The following PIP5K1B variants were observed in gnomAD, a reference collection of about 807,000 sequenced individuals.
The protein encoded by PIP5K1B is phosphatidylinositol 4-phosphate 5-kinase type-1 beta.
A neutral mutation model predicts 67.0 loss-of-function variants in PIP5K1B; 42 were observed. That is an observed-to-expected ratio of 0.63 (90% confidence interval 0.49 to 0.81). The LOEUF is 0.81. Ranked by LOEUF, PIP5K1B falls within the 30% of genes least tolerant of loss-of-function variation. The probability of loss-of-function intolerance (pLI) is 0.00; values close to 1 mark genes in which losing one functional copy is unlikely to be tolerated. For missense variants in PIP5K1B, 459 were observed against 646.3 expected, an observed-to-expected ratio of 0.71 and a Z score of 3.14; for synonymous variants, 214 against 231.4, an observed-to-expected ratio of 0.92 and a Z score of 0.68.
At chr9:68,988,126 GT>G (rs1343347588) in intron 14 of PIP5K1B, among the ~76,000 whole-genome samples, 103 of 152,090 alleles carry the variant, frequency 6.8e-4, no homozygotes, top group Admixed American at 6.6e-3. Flanking sequence ...TTCCCAAACA[GT>G]TCAGGGAAAA....
intron 4 of PIP5K1B, among the ~76,000 whole-genome samples, chr9:68,845,272 G>T (rs890579172): frequency 1.3e-5 from 2 of 151,942 alleles, no homozygotes. Flanking sequence ...ATATGGTGGG[G>T]CTTATGAAAT....
intron 2 of PIP5K1B, among the ~76,000 whole-genome samples, chr9:68,751,108 G>A (rs750274381): frequency 2.6e-5 from 4 of 152,172 alleles, no homozygotes; most frequent in Admixed American, 6.5e-5. Context: ...AGTATGCCTG[G>A]TAGTTATTGT....
chr9:68,799,741 G>A (rs1203057308), intron 2 of PIP5K1B, among the ~76,000 whole-genome samples: 1 of 152,110 alleles, frequency 6.6e-6, no homozygotes, highest in African/African-American at 2.4e-5. Flanking sequence ...AACTCAAGAT[G>A]GATGAATGAC....
chr9:68,835,771 G>A (rs989734453), intron 4 of PIP5K1B, among the ~76,000 whole-genome samples: 3 of 151,620 alleles, frequency 2.0e-5, no homozygotes, highest in African/African-American at 7.3e-5. Flanking sequence ...GAATTCTGTG[G>A]CAAAAGGAAA....
rs913962856 is a variant in PIP5K1B at position 68,804,438 on chromosome 9, C to T, written c.-85-14023C>T. On this transcript the variant is annotated intron_variant, in intron 2 of 15. Transcript: ENST00000265382. ...GGGGAGGCAGGGGGCAGGTAGCGGA[C>T]TTAAGGAAATAAGCGAAGTCTTCAA... Among the ~76,000 whole-genome samples, 8 of 152,090 alleles carry T rather than the reference C, an allele frequency of 5.3e-5. No homozygotes were observed. The South Asian group carries it at 1.7e-3, about 32-fold the overall frequency.
intron 12 of PIP5K1B, among the ~76,000 whole-genome samples, chr9:68,924,700 A>T (rs921341118): frequency 2.6e-5 from 4 of 152,214 alleles, no homozygotes; most frequent in African/African-American, 9.6e-5. Flanking sequence ...AAACTAAAAC[A>T]TGATAATTTA....
intron 4 of PIP5K1B, among the ~76,000 whole-genome samples, chr9:68,824,519 C>G (rs2132079589): frequency 6.6e-6 from 1 of 151,880 alleles, no homozygotes; most frequent in East Asian, 1.9e-4. Flanking sequence ...CCTAAGGGGA[C>G]CAGAAATTTT....
chr9:68,965,163 A>G (rs1159292443), intron 14 of PIP5K1B, among the ~76,000 whole-genome samples: 1 of 152,202 alleles, frequency 6.6e-6, no homozygotes, highest in African/African-American at 2.4e-5. Context: ...CACCTCATCT[A>G]CAAATAATAT....
At chr9:68,925,450 A>G (rs970041340) in intron 12 of PIP5K1B, among the ~76,000 whole-genome samples, 2 of 152,174 alleles carry the variant, frequency 1.3e-5, no homozygotes, top group African/African-American at 2.4e-5. Context: ...TTTATTTTGC[A>G]TGTAAGTACT....
intron 2 of PIP5K1B, chr9:68,780,991 C>G: frequency 6.2e-7 from 1 of 1,614,164 alleles, no homozygotes; most frequent in Non-Finnish European, 8.5e-7. Context: ...CAAGCGGCTT[C>G]TCCATTTATT....
At chr9:68,982,460 T>C (rs1829918887) in intron 14 of PIP5K1B, among the ~76,000 whole-genome samples, 1 of 152,156 alleles carries the variant, frequency 6.6e-6, no homozygotes, top group Non-Finnish European at 1.5e-5. Flanking sequence ...ATCCTTTTTT[T>C]AAATGTATAT....
intron 4 of PIP5K1B, among the ~76,000 whole-genome samples, chr9:68,833,533 G>C (rs944001133): frequency 1.7e-4 from 26 of 152,188 alleles, no homozygotes; most frequent in African/African-American, 6.3e-4. Flanking sequence ...AGGGGAGTAG[G>C]TGCTACTGGT....
intron 2 of PIP5K1B, chr9:68,782,161 G>C (rs1244549033): frequency 6.0e-6 from 1 of 167,090 alleles, no homozygotes; most frequent in East Asian, 1.9e-4. Context: ...TTAGACAAAG[G>C]TACAGTGTAA....
intron 2 of PIP5K1B, among the ~76,000 whole-genome samples, chr9:68,757,016 G>A (rs892784082): frequency 1.6e-4 from 24 of 152,038 alleles, no homozygotes; most frequent in African/African-American, 5.8e-4. Context: ...TAGACACGCA[G>A]GTTTCATTAG....
At chr9:68,921,649 G>A (rs753010611) in intron 11 of PIP5K1B, among the ~76,000 whole-genome samples, 8 of 152,118 alleles carry the variant, frequency 5.3e-5, no homozygotes, top group African/African-American at 1.4e-4. Flanking sequence ...TCAGGAGTTC[G>A]AGACCAGCCT....
chr9:68,743,937 A>G (rs1829145212), intron 2 of PIP5K1B, among the ~76,000 whole-genome samples: 1 of 152,190 alleles, frequency 6.6e-6, no homozygotes, highest in South Asian at 2.1e-4. Context: ...TCTAAGAAGA[A>G]GACTCATAAA....
chr9:68,917,530 G>T lies in PIP5K1B; in HGVS notation c.772-18G>T. 1 of 1,599,788 alleles carries T rather than the reference G, an allele frequency of 6.3e-7. No homozygotes were observed. ...GGCCTTTGGGTTGACTGGCTTCCTG[G>T]TTCTTTTTCTCATTCAGGTGCTAGA... On this transcript the variant is annotated intron_variant, in intron 8 of 15. Coordinates refer to ENST00000265382, the MANE Select transcript of PIP5K1B (RefSeq NM_003558.4).
Position 68,994,044 on chromosome 9 carries a change from T to TTTTC in PIP5K1B, c.1620+2790_1620+2791insCTTT, listed in dbSNP as rs1372694909. 4.0e-5 allele frequency among the ~76,000 whole-genome samples: 6 copies of TTTTC among 148,516 alleles called. No homozygotes were observed. In the East Asian group the frequency reaches 1.2e-3, roughly 29 times the overall value. ...TTCACTGTTTTTTCCTGAATTTTTTTTTTTTTTTTTTTTGAGATGGAATTT... is the reference window on the plus strand; with the variant it reads ...TTCACTGTTTTTTCCTGAATTTTTTTTTTCTTTTTTTTTTTTTGAGATGGAATTT... On this transcript the variant is annotated intron_variant, in intron 15 of 15. Coordinates refer to ENST00000265382, the MANE Select transcript of PIP5K1B (RefSeq NM_003558.4).
intron 2 of PIP5K1B, among the ~76,000 whole-genome samples, chr9:68,775,581 G>A (rs1830875747): frequency 6.6e-6 from 1 of 152,206 alleles, no homozygotes; most frequent in African/African-American, 2.4e-5. Context: ...GTCAGATGGA[G>A]TGCGACGGCA....
Sources: gnomAD v4.1 joint callset for allele counts (sites outside exome capture counted in the v4.1 genomes callset) on GRCh38, gnomAD v4.1.1 for gene constraint, MANE v1.5 for transcripts, NCBI Gene and HGNC (gene_info 2026-07-23, HGNC 2026-07-21) for gene names.